Variants in CCDC88C observed in about 807,000 individuals in gnomAD.
The protein encoded by CCDC88C is coiled-coil and HOOK domain protein 88C, also known as protein Daple.
CCDC88C carries 131 observed loss-of-function variants against 198.8 expected under a neutral mutation model. That is an observed-to-expected ratio of 0.66 (90% CI 0.57 to 0.76). The LOEUF is 0.76. Among genes scored for constraint, CCDC88C ranks in the 30% least tolerant of loss-of-function variants. CCDC88C has a pLI of 0.00. For missense variants in CCDC88C, 2,553 were observed against 2,631.6 expected (o/e 0.97, Z 0.65); for synonymous variants, 1,166 against 1,114.7 (o/e 1.05, Z -0.92).
Position 91,321,165 on chromosome 14 carries a change from G to C in CCDC88C, c.1482C>G (p.Leu494=), listed in dbSNP as rs1471330852. ...DASLVLEESG[L]KCGELEKENH... ...TCTCCTTCTCCAGCTCCCCGCACTT[G>C]AGGCCGCTCTCCTCCAACACCAGGG... The change falls in exon 13 of 30, where the codon CTC becomes CTG. Residue 494 remains leucine (L), a synonymous_variant. Coordinates refer to ENST00000389857, the MANE Select transcript of CCDC88C (RefSeq NM_001080414.4). 1 of 1,613,154 alleles carries C rather than the reference G, an allele frequency of 6.2e-7. No individual in the cohort carries two copies. Among genetic ancestry groups the C allele is most frequent in the Non-Finnish European group, 8.5e-7 (1 of 1,179,628 alleles).
intron 25 of CCDC88C, 59 bp downstream of exon 25, chr14:91,289,046 C>T (rs137977562): frequency 0.016 from 22,930 of 1,411,056 alleles, 277 homozygotes; most frequent in Middle Eastern, 0.024. Flanking sequence ...GCCACCGGTG[C>T]GGGACCCTTC....
At chr14:91,391,945 C>T (rs1346877685) in intron 3 of CCDC88C, among the ~76,000 whole-genome samples, 1 of 151,926 alleles carries the variant, frequency 6.6e-6, no homozygotes, top group Non-Finnish European at 1.5e-5. Flanking sequence ...CTTGCTCTGT[C>T]GCCCAGGCTG....
intron 12 of CCDC88C, 109 bp downstream of exon 12, chr14:91,324,670 T>C (rs1727348474): frequency 7.6e-7 from 1 of 1,323,604 alleles, no homozygotes; most frequent in Non-Finnish European, 1.0e-6. Context: ...CATGTTTGCC[T>C]GGGATGAATG....
In CCDC88C at chr14:91,273,489, C is replaced by G; in HGVS notation, c.5223G>C (p.Glu1741Asp). ...ACTGCCCGGGCTTCAGCGGCCTCCCCTCCGAGGTGGGGGCGGCCATTTTGA... is the reference window on the plus strand; with the variant it reads ...ACTGCCCGGGCTTCAGCGGCCTCCCGTCCGAGGTGGGGGCGGCCATTTTGA... ...PTVKMAAPTS[E>D]GRPLKPGQYV... Residue 1741 changes from glutamate to aspartate, a missense_variant, in exon 30 of 30, where the codon GAG (glutamate) becomes GAC (aspartate). Physicochemically the swap from Glu to Asp is conservative, Grantham distance 45. Coordinates refer to ENST00000389857, the MANE Select transcript of CCDC88C (RefSeq NM_001080414.4). This position sits in a 1 kb window ranked among gnomAD's most constrained non-coding sequence, Gnocchi z 5.6. 6.4e-7 allele frequency: 1 copy of G among 1,563,432 alleles called. No individual in the cohort carries two copies. The highest frequency in any genetic ancestry group is 8.7e-7 in the Non-Finnish European group (1 of 1,153,328).
At chr14:91,285,950 C>T in intron 25 of CCDC88C, 1 of 535,604 alleles carries the variant, frequency 1.9e-6, no homozygotes. Flanking sequence ...CTTAAGAAAT[C>T]AGAATCCCGT....
At chr14:91,401,248 T>TAC (rs1886160557) in intron 3 of CCDC88C, among the ~76,000 whole-genome samples, 1 of 145,796 alleles carries the variant, frequency 6.9e-6, no homozygotes, top group South Asian at 2.1e-4. Flanking sequence ...ATATATTATA[T>TAC]ATTATATAAT....
At chr14:91,411,090 T>C (rs970680833) in intron 2 of CCDC88C, among the ~76,000 whole-genome samples, 5 of 152,202 alleles carry the variant, frequency 3.3e-5, no homozygotes, top group African/African-American at 1.2e-4. Context: ...GTAATTAAGC[T>C]ACTTACCGTG....
At chr14:91,361,129 TAA>T (rs58164336) in intron 3 of CCDC88C, among the ~76,000 whole-genome samples, 20 of 117,868 alleles carry the variant, frequency 1.7e-4, no homozygotes, top group Non-Finnish European at 2.0e-4. Flanking sequence ...ACCCTGTCTA[TAA>T]AAAAAAAAAA....
chr14:91,275,573 G>A (rs1707510469), intron 29 of CCDC88C, among the ~76,000 whole-genome samples: 1 of 151,840 alleles, frequency 6.6e-6, no homozygotes, highest in African/African-American at 2.4e-5. Context: ...AGCCTCTCGG[G>A]TTCAAGAGAT....
intron 3 of CCDC88C, among the ~76,000 whole-genome samples, chr14:91,376,432 G>C (rs1884418612): frequency 6.6e-6 from 1 of 152,188 alleles, no homozygotes; most frequent in African/African-American, 2.4e-5. Context: ...GGGCGTTATA[G>C]TGAATGGAAA....
At chr14:91,278,539 T>G (rs560736623) in intron 28 of CCDC88C, among the ~76,000 whole-genome samples, 17 of 152,352 alleles carry the variant, frequency 1.1e-4, no homozygotes, top group Admixed American at 5.9e-4. Context: ...AGGGGCTAAA[T>G]GTACAGGGAA....
rs570846021 is a variant in CCDC88C at position 91,289,197 on chromosome 14, G to A, written c.4349C>T (p.Pro1450Leu). The change falls in exon 25 of 30, where the codon CCG (proline) becomes CTG (leucine). Residue 1450 changes from proline to leucine, a missense_variant. Pro to Leu is a moderately conservative substitution (Grantham distance 98). Transcript: ENST00000389857. ...SDPASPAASQ[P>L]LRSQAENPDT... ...GGGGTTCTCGGCCTGTGATCTGAGC[G>A]GCTGAGAGGCCGCCGGCGAGGCGGG... is the stretch of plus-strand genomic sequence containing the variant. 18 of 1,613,978 alleles carry A rather than the reference G, an allele frequency of 1.1e-5. No homozygotes were observed. The highest frequency in any genetic ancestry group is 5.3e-5 in the African/African-American group (4 of 75,060).
At chr14:91,417,022 C>A (rs1377698989) in intron 1 of CCDC88C, 184 bp from the exon 2 acceptor site, 6 of 692,086 alleles carry the variant, frequency 8.7e-6, no homozygotes, top group Non-Finnish European at 1.3e-5. Flanking sequence ...CCTCCCCGCG[C>A]GGGGCAACAG....
intron 3 of CCDC88C, among the ~76,000 whole-genome samples, chr14:91,403,349 C>A (rs1383329691): frequency 1.3e-5 from 2 of 152,216 alleles, no homozygotes; most frequent in East Asian, 3.8e-4. Flanking sequence ...ATCTGAAGTG[C>A]TTCCCGCCAT....
At chr14:91,380,780 G>A (rs1378497516) in intron 3 of CCDC88C, among the ~76,000 whole-genome samples, 1 of 152,142 alleles carries the variant, frequency 6.6e-6, no homozygotes, top group Non-Finnish European at 1.5e-5. Context: ...AAGGGGCGGG[G>A]GAGACCATGG....
In CCDC88C at chr14:91,302,340, C is replaced by T. The variant is rs2139777608; in HGVS notation, c.3635+1361G>A. ...AGTAGATCTTGCTCCCTCTGTTGTA[C>T]TCCAAGTACCTGAGAGCCTCTCTTT... On this transcript the variant is annotated intron_variant, in intron 20 of 29. Transcript: ENST00000389857. 1.3e-5 allele frequency among the ~76,000 whole-genome samples: 2 copies of T among 152,346 alleles called. 1 individual carries two copies. Among genetic ancestry groups the T allele is most frequent in the South Asian group, 4.1e-4 (2 of 4,826 alleles).
chr14:91,284,618 G>A lies in CCDC88C; in HGVS notation c.4442-1101C>T, dbSNP rs1337667670. On this transcript the variant is annotated intron_variant, in intron 25 of 29. Coordinates refer to ENST00000389857, the MANE Select transcript of CCDC88C (RefSeq NM_001080414.4). The surrounding 1 kb of genome is among the most constrained non-coding windows in gnomAD (Gnocchi z 4.1). The stretch of plus-strand genomic sequence containing the variant: ...CGCGGAAGGCAGGTCTGGAGGACCC[G>A]GCACCACGGCAGCCCAGGGTTCCCA... Among the ~76,000 whole-genome samples the A allele has an allele frequency of 6.6e-6, 1 of 152,182 alleles. No homozygotes were observed. The highest frequency in any genetic ancestry group is 1.5e-5 in the Non-Finnish European group (1 of 68,030).
intron 4 of CCDC88C, among the ~76,000 whole-genome samples, chr14:91,350,860 C>T (rs1893750870): frequency 6.6e-6 from 1 of 152,204 alleles, no homozygotes. Context: ...TACCATGTGA[C>T]TTAATTCTAA....
chr14:91,293,565 ACGGCCCACCTTCCTGTCCCCT>A (rs1890851497), intron 23 of CCDC88C, among the ~76,000 whole-genome samples: 1 of 85,730 alleles, frequency 1.2e-5, no homozygotes, highest in Non-Finnish European at 2.4e-5. Flanking sequence ...CTCGCCTGCC[ACGGCCCACCTTCCTGTCCCCT>A]CGCCTGCCAT....
Sources: gnomAD v4.1 joint callset for allele counts (sites outside exome capture counted in the v4.1 genomes callset) on GRCh38, gnomAD v4.1.1 for gene constraint, Gnocchi (gnomAD v3.1) non-coding constraint, MANE v1.5 for transcripts, NCBI Gene and HGNC (gene_info 2026-07-23, HGNC 2026-07-21) for gene names.